OR3A2: variants seen among roughly 807,000 people sequenced by gnomAD.
The protein encoded by OR3A2 is olfactory receptor family 3 subfamily A member 2, also known as olfactory receptor 3A2.
For synonymous variants in OR3A2, 126 were observed against 159.3 expected (o/e 0.79, Z 1.57); for missense variants, 318 against 392.8 (o/e 0.81, Z 1.61).
intron 2 of OR3A2, among the ~76,000 whole-genome samples, chr17:3,344,405 A>G (rs1484651553): frequency 6.6e-6 from 1 of 152,176 alleles, no homozygotes; most frequent in Non-Finnish European, 1.5e-5. Flanking sequence ...TGTGGTTGTA[A>G]GACTCCAGGC....
At chr17:3,345,151 G>T (rs2049351636) in intron 2 of OR3A2, among the ~76,000 whole-genome samples, 1 of 152,134 alleles carries the variant, frequency 6.6e-6, no homozygotes, top group Non-Finnish European at 1.5e-5. Flanking sequence ...GATGTAGGTA[G>T]GACAATAAAT....
intron 3 of OR3A2, among the ~76,000 whole-genome samples, chr17:3,332,709 C>T (rs1027700181): frequency 3.9e-5 from 6 of 152,220 alleles, no homozygotes; most frequent in African/African-American, 4.8e-5. Context: ...TCCTATTCGG[C>T]CATCTTGGCT....
At chr17:3,350,326 T>C (rs552866729) in intron 2 of OR3A2, among the ~76,000 whole-genome samples, 21,785 of 148,236 alleles carry the variant, frequency 0.15, 2,061 homozygotes, top group African/African-American at 0.27. Flanking sequence ...ATCAAATAGA[T>C]GCAATAAAAA....
intron 2 of OR3A2, among the ~76,000 whole-genome samples, chr17:3,365,772 G>C (rs1488867204): frequency 6.6e-6 from 1 of 152,160 alleles, no homozygotes; most frequent in African/African-American, 2.4e-5. Flanking sequence ...AACTGCAGAG[G>C]AAGCTGAAAA....
At chr17:3,283,201 T>C (rs2048787907) in intron 1 of OR3A2, among the ~76,000 whole-genome samples, 1 of 152,316 alleles carries the variant, frequency 6.6e-6, no homozygotes, top group East Asian at 1.9e-4. Context: ...TCATAACACT[T>C]TACACATAGG....
At chr17:3,366,010 T>C (rs1215178837) in intron 2 of OR3A2, among the ~76,000 whole-genome samples, 2 of 152,136 alleles carry the variant, frequency 1.3e-5, no homozygotes, top group Non-Finnish European at 2.9e-5. Context: ...CTAGAATGAA[T>C]GATGTCTAGT....
At chr17:3,373,369 G>C (rs1202631414) in intron 2 of OR3A2, among the ~76,000 whole-genome samples, 1 of 152,204 alleles carries the variant, frequency 6.6e-6, no homozygotes. Flanking sequence ...TTGATGACCT[G>C]TCTAGTGCTG....
At chr17:3,281,424 T>TG (rs1457407191) in intron 1 of OR3A2, among the ~76,000 whole-genome samples, 1 of 151,870 alleles carries the variant, frequency 6.6e-6, no homozygotes, top group South Asian at 2.1e-4. Flanking sequence ...TTAGTAGAGA[T>TG]GGGGTTTCAC....
At chr17:3,305,806 G>A (rs1377878128) in intron 3 of OR3A2, among the ~76,000 whole-genome samples, 1 of 152,214 alleles carries the variant, frequency 6.6e-6, no homozygotes, top group Non-Finnish European at 1.5e-5. Flanking sequence ...AACCACAAAT[G>A]ATTAGACGTG....
chr17:3,302,977 G>T (rs1229645618), intron 3 of OR3A2, among the ~76,000 whole-genome samples: 8 of 152,108 alleles, frequency 5.3e-5, no homozygotes, highest in Non-Finnish European at 1.2e-4. Flanking sequence ...TGTTATATTT[G>T]AGCAAAATTA....
At chr17:3,355,950 A>ATATCATTT (rs1377980453) in intron 2 of OR3A2, among the ~76,000 whole-genome samples, 1 of 149,778 alleles carries the variant, frequency 6.7e-6, no homozygotes, top group African/African-American at 2.5e-5. Flanking sequence ...TGCTCTGGTG[A>ATATCATTT]TATCATTTAA....
At chr17:3,277,968 T>A in exon 2 of OR3A2, 1 of 1,592,534 alleles carries the variant, frequency 6.3e-7, no homozygotes, top group Admixed American at 1.7e-5. Context: ...CCCCATTACC[T>A]CTCAGGTCAG....
chr17:3,316,313 A>C (rs2049082242), intron 3 of OR3A2, among the ~76,000 whole-genome samples: 1 of 152,220 alleles, frequency 6.6e-6, no homozygotes, highest in Non-Finnish European at 1.5e-5. Context: ...TGAGTTCTCA[A>C]CACATCTGTG....
At chr17:3,303,735 C>A (rs2048981691) in intron 3 of OR3A2, among the ~76,000 whole-genome samples, 1 of 49,318 alleles carries the variant, frequency 2.0e-5, no homozygotes, top group Non-Finnish European at 4.2e-5. Context: ...ATGAGCAAGA[C>A]TTCATCTCAA....
chr17:3,325,137 T>C (rs2049160413), intron 3 of OR3A2, among the ~76,000 whole-genome samples: 1 of 151,914 alleles, frequency 6.6e-6, no homozygotes, highest in Non-Finnish European at 1.5e-5. Context: ...TTCATTTTAG[T>C]AAATGTTGTG....
At chr17:3,278,333 G>T (rs761133902) in exon 2 of OR3A2, 1 of 1,614,220 alleles carries the variant, frequency 6.2e-7, no homozygotes, top group Non-Finnish European at 8.5e-7. Context: ...CATTGAGTTG[G>T]GTGCTGGAGC....
At chr17:3,354,286 AG>A (rs1210864207) in intron 2 of OR3A2, among the ~76,000 whole-genome samples, 1 of 151,236 alleles carries the variant, frequency 6.6e-6, no homozygotes, top group Non-Finnish European at 1.5e-5. Flanking sequence ...GCTAGAATTC[AG>A]CAGTGAAGCC....
intron 3 of OR3A2, among the ~76,000 whole-genome samples, chr17:3,293,144 T>A (rs1247970314): frequency 1.6e-5 from 2 of 126,460 alleles, no homozygotes; most frequent in East Asian, 3.6e-4. Flanking sequence ...TAAATGAGTA[T>A]AATTCTCTTA....
intron 3 of OR3A2, among the ~76,000 whole-genome samples, chr17:3,317,982 C>T (rs1219527839): frequency 1.3e-5 from 2 of 152,284 alleles, no homozygotes; most frequent in Non-Finnish European, 2.9e-5. Context: ...TTGGGATCCA[C>T]ACCACTTCAG....
Sources: allele counts gnomAD v4.1 joint callset (sites outside exome capture counted in the v4.1 genomes callset), GRCh38; gene constraint gnomAD v4.1.1; transcripts MANE v1.5; gene names NCBI Gene and HGNC (gene_info 2026-07-23, HGNC 2026-07-21).